BTN2A1: variants seen among roughly 807,000 people sequenced by gnomAD.
The protein encoded by BTN2A1 is butyrophilin subfamily 2 member A1, also known as butyrophilin, subfamily 2, member A1.
In BTN2A1, 41 loss-of-function variants were observed where a neutral mutation model predicts 34.5. That is an observed-to-expected ratio of 1.19 (90% CI 0.93 to 1.54). The LOEUF (loss-of-function observed/expected upper bound fraction) is 1.54, where lower values mean the gene tolerates loss of function less well. Among genes scored for constraint, BTN2A1 ranks in the 40% most tolerant of loss-of-function variants. The pLI, the probability that BTN2A1 is intolerant of heterozygous loss-of-function variation, is 0.00. For missense variants in BTN2A1, 642 were observed against 662.0 expected (o/e 0.97, Z 0.33); for synonymous variants, 267 against 258.6 (o/e 1.03, Z -0.31).
At position 26,459,059 on chromosome 6, in the gene BTN2A1, A is replaced by G. The variant is rs905529024; in HGVS notation, c.82+341A>G. On this transcript the variant is annotated intron_variant, in intron 2 of 7. Transcript: ENST00000312541. ...GTTAATATACCATATTACCAATGAGATAGTCAACATTTTGAAATTTTAAAT... is the reference window on the plus strand; with the variant it reads ...GTTAATATACCATATTACCAATGAGGTAGTCAACATTTTGAAATTTTAAAT... Among the ~76,000 whole-genome samples the G allele has an allele frequency of 3.9e-5, 6 of 152,206 alleles. 1 individual carries two copies. Among genetic ancestry groups the G allele is most frequent in the East Asian group, 3.8e-4 (2 of 5,198 alleles).
At position 26,469,140 on chromosome 6, in the gene BTN2A1, TCCACAGGC is replaced by T. The variant is rs1251457448; in HGVS notation, c.*593_*600del. Reference sequence around the variant, plus strand: ...AGCCCCAGGATTTCCAGAGCGCACATCCACAGGCCTGGACCTGGGATGAAGATGAATGA... The same window carrying T: ...AGCCCCAGGATTTCCAGAGCGCACATCTGGACCTGGGATGAAGATGAATGA... On this transcript the variant is annotated 3_prime_UTR_variant, in exon 8 of 8. Transcript: ENST00000312541. The T allele has an allele frequency of 1.8e-6, 2 of 1,092,828 alleles. No individual in the cohort carries two copies. Among genetic ancestry groups the T allele is most frequent in the Non-Finnish European group, 1.1e-6 (1 of 893,216 alleles). 67.7% of individuals were successfully genotyped at this position (1,092,828 alleles called of 1,614,324 possible). A position where few individuals can be genotyped will look rare whatever the true frequency, so the allele number is the denominator to read the frequency against.
At position 26,468,394 on chromosome 6, in the gene BTN2A1, C is replaced by T. The variant is rs759384611; in HGVS notation, c.1429C>T (p.Arg477Cys). The T allele has an allele frequency of 2.3e-5, 37 of 1,614,204 alleles. No individual in the cohort carries two copies. The highest frequency in any genetic ancestry group is 2.7e-5 in the Non-Finnish European group (32 of 1,180,048). Residue 477 changes from arginine to cysteine, a missense_variant, in exon 8 of 8, where the codon CGT (arginine) becomes TGT (cysteine). Transcript: ENST00000312541. ...CAGATCGCACATCTACACATGTCCCCGTTCAGCCTTTTCCGTGCCTGTGAG... is the reference window on the plus strand; with the variant it reads ...CAGATCGCACATCTACACATGTCCCTGTTCAGCCTTTTCCGTGCCTGTGAG... ...RDRSHIYTCPRSAFSVPVRPF... is the reference protein window; with the variant it reads ...RDRSHIYTCPCSAFSVPVRPF...
downstream of BTN2A1, among the ~76,000 whole-genome samples, chr6:26,471,663 AAAGGAAGGAAGG>A (rs71745841): frequency 3.3e-5 from 5 of 151,614 alleles, no homozygotes; most frequent in African/African-American, 7.3e-5. Flanking sequence ...GGAAGGAAGG[AAAGGAAGGAAGG>A]AAGGAAGGAA....
chr6:26,470,069 C>T (rs540271455), downstream of BTN2A1, among the ~76,000 whole-genome samples: 22 of 152,188 alleles, frequency 1.4e-4, no homozygotes, highest in Middle Eastern at 3.4e-3. Flanking sequence ...AAACACAGGT[C>T]GGGCACGGTG....
chr6:26,470,130 C>T (rs1763422957), downstream of BTN2A1, among the ~76,000 whole-genome samples: 2 of 152,124 alleles, frequency 1.3e-5, no homozygotes, highest in South Asian at 4.1e-4. Flanking sequence ...GGTGGATCAC[C>T]TGAGGTCAGG....
chr6:26,465,316 GA>G lies in BTN2A1; in HGVS notation c.848del (p.Lys283ArgfsTer12). 1 of 1,614,146 alleles carries G rather than the reference GA, an allele frequency of 6.2e-7. No individual in the cohort carries two copies. The highest frequency in any genetic ancestry group is 8.5e-7 in the Non-Finnish European group (1 of 1,180,026). On this transcript the variant is annotated frameshift_variant, in exon 5 of 8. Transcript: ENST00000312541. LOFTEE classifies it high-confidence loss of function. ...LQKEKKILSG[E>X]KEFERETREI... ...AAAGGAAAAAAAGATTCTGTCAGGGGAAAAGGAGTTTGAACGGGAAACAAGA... is the reference window on the plus strand; with the variant it reads ...AAAGGAAAAAAAGATTCTGTCAGGGGAAAGGAGTTTGAACGGGAAACAAGA...
rs372683813 is a variant in BTN2A1 at position 26,468,126 on chromosome 6, C to T, written c.1161C>T (p.Tyr387=). ...AGAGCTTCGCTTCAGGGAAACATTA[C>T]TGGGAGGTGGAGGTGGAAAACGTGA... ...GRESFASGKH[Y]WEVEVENVIE... Residue 387 remains tyrosine, a synonymous_variant, in exon 8 of 8, where the codon TAC becomes TAT. Transcript: ENST00000312541. 1 of 1,614,190 alleles carries T rather than the reference C, an allele frequency of 6.2e-7. No individual in the cohort carries two copies. The highest frequency in any genetic ancestry group is 8.5e-7 in the Non-Finnish European group (1 of 1,180,036).
chr6:26,463,779 TTC>T (rs1763238684), intron 4 of BTN2A1, among the ~76,000 whole-genome samples: 3 of 151,654 alleles, frequency 2.0e-5, no homozygotes, highest in African/African-American at 7.3e-5. Flanking sequence ...GTTGTTGTTT[TTC>T]CCCCCAATAA....
chr6:26,467,543 C>G (rs1423092723), intron 7 of BTN2A1, among the ~76,000 whole-genome samples: 1 of 152,126 alleles, frequency 6.6e-6, no homozygotes, highest in Non-Finnish European at 1.5e-5. Context: ...AACTCCTGAC[C>G]TCAGGTGATC....
At chr6:26,460,862 A>G (rs1218231339) in intron 3 of BTN2A1, among the ~76,000 whole-genome samples, 1 of 152,178 alleles carries the variant, frequency 6.6e-6, no homozygotes, top group Non-Finnish European at 1.5e-5. Flanking sequence ...GGGAGCCGAG[A>G]TCTTACCACA....
Position 26,459,828 on chromosome 6 carries a change from G to C in BTN2A1, c.430G>C (p.Gly144Arg), listed in dbSNP as rs1163239128. The C allele has an allele frequency of 8.1e-6, 13 of 1,609,784 alleles. No homozygotes were observed. The highest frequency in any genetic ancestry group is 9.3e-6 in the Non-Finnish European group (11 of 1,177,032). Residue 144 changes from glycine to arginine, a missense_variant and splice_region_variant, in exon 3 of 8, where the codon GGA becomes CGA. Physicochemically the swap from Gly to Arg is moderately radical, Grantham distance 125 (BLOSUM62 -2). Coordinates refer to ENST00000312541, the MANE Select transcript of BTN2A1 (RefSeq NM_007049.5). ...DEAILHLVVA[G>R]LGSKPLISMR... ...GGCCATCCTGCACCTCGTAGTGGCAGGTGCGTCGCTTCATTTTGCTTTGTT... is the reference window on the plus strand; with the variant it reads ...GGCCATCCTGCACCTCGTAGTGGCACGTGCGTCGCTTCATTTTGCTTTGTT...
intron 7 of BTN2A1, 97 bp from the exon 8 acceptor site, chr6:26,467,851 C>T: frequency 6.4e-7 from 1 of 1,560,666 alleles, no homozygotes; most frequent in African/African-American, 1.4e-5. Context: ...ACGTGGGGAT[C>T]CCTTCAGAGA....
At chr6:26,465,557 A>G in intron 5 of BTN2A1, 151 bp downstream of exon 5, 1 of 807,840 alleles carries the variant, frequency 1.2e-6, no homozygotes, top group Non-Finnish European at 1.9e-6. Context: ...AAAGAAAAAG[A>G]GTAGAAGGAC....
Position 26,468,146 on chromosome 6 carries a change from A to G in BTN2A1, c.1181A>G (p.Asn394Ser). 1.2e-6 allele frequency: 2 copies of G among 1,614,052 alleles called. No individual in the cohort carries two copies. The highest frequency in any genetic ancestry group is 2.2e-5 in the South Asian group (2 of 91,068). The change falls in exon 8 of 8, where the codon AAC becomes AGC. Residue 394 changes from asparagine (N) to serine (S), a missense_variant. Coordinates refer to ENST00000312541, the MANE Select transcript of BTN2A1 (RefSeq NM_007049.5). ...CATTACTGGGAGGTGGAGGTGGAAA[A>G]CGTGATTGAGTGGACTGTGGGGGTC... ...GKHYWEVEVE[N>S]VIEWTVGVCR...
At chr6:26,460,784 C>T (rs968199498) in intron 3 of BTN2A1, among the ~76,000 whole-genome samples, 1 of 152,014 alleles carries the variant, frequency 6.6e-6, no homozygotes, top group African/African-American at 2.4e-5. Context: ...GTGGAGTGTG[C>T]CTGTAATCTG....
At position 26,468,697 on chromosome 6, in the gene BTN2A1, A is replaced by T; in HGVS notation, c.*148A>T. 6.2e-7 allele frequency: 1 copy of T among 1,612,990 alleles called. No homozygotes were observed. Among genetic ancestry groups the T allele is most frequent in the Non-Finnish European group, 8.5e-7 (1 of 1,179,882 alleles). ...GCTGCCTCTTTCACACCCACTACAGACCTCAGCCCCAGTTTTCTCCTCCTC... is the reference window on the plus strand; with the variant it reads ...GCTGCCTCTTTCACACCCACTACAGTCCTCAGCCCCAGTTTTCTCCTCCTC... On this transcript the variant is annotated 3_prime_UTR_variant, in exon 8 of 8. Transcript: ENST00000312541.
intron 7 of BTN2A1, 82 bp downstream of exon 7, chr6:26,466,170 G>C: frequency 6.2e-7 from 1 of 1,606,678 alleles, no homozygotes; most frequent in South Asian, 1.1e-5. Flanking sequence ...AGATGAGCAA[G>C]GGGCCCAGGG....
In BTN2A1 at chr6:26,469,172, G is replaced by C. The variant is rs183212595; in HGVS notation, c.*623G>C. On this transcript the variant is annotated 3_prime_UTR_variant, in exon 8 of 8. Coordinates refer to ENST00000312541, the MANE Select transcript of BTN2A1 (RefSeq NM_007049.5). Reference sequence around the variant, plus strand: ...GCCTGGACCTGGGATGAAGATGAATGAAGAACATGGATGCACGTGGATGTA... The same window carrying C: ...GCCTGGACCTGGGATGAAGATGAATCAAGAACATGGATGCACGTGGATGTA... The C allele has an allele frequency of 1.4e-5, 15 of 1,057,774 alleles. No individual in the cohort carries two copies. In the Admixed American group the frequency reaches 7.4e-4, roughly 52 times the overall value. 65.5% of individuals were successfully genotyped at this position (1,057,774 alleles called of 1,614,324 possible).
intron 3 of BTN2A1, among the ~76,000 whole-genome samples, chr6:26,461,145 G>A (rs1763153932): frequency 6.6e-6 from 1 of 152,168 alleles, no homozygotes; most frequent in African/African-American, 2.4e-5. Context: ...AGGGTTTCTT[G>A]ACCCTGCATC....
Sources: gnomAD v4.1 joint callset for allele counts (sites outside exome capture counted in the v4.1 genomes callset) on GRCh38, gnomAD v4.1.1 for gene constraint, MANE v1.5 for transcripts, NCBI Gene and HGNC (gene_info 2026-07-23, HGNC 2026-07-21) for gene names.